ADAM20: variants seen among roughly 807,000 people sequenced by gnomAD.
ADAM20 encodes the protein disintegrin and metalloproteinase domain-containing protein 20.
For synonymous variants in ADAM20, 305 were observed against 310.2 expected (o/e 0.98, Z 0.18); for missense variants, 871 against 883.2 (o/e 0.99, Z 0.18).
chr14:70,563,881 T>C, the ADAM20 span, among the ~76,000 whole-genome samples: 2 of 152,244 alleles, frequency 1.3e-5, no homozygotes, highest in African/African-American at 4.8e-5. Flanking sequence ...TCTTTATCAA[T>C]TACCTAATTT....
chr14:70,547,099 G>A, the ADAM20 span, among the ~76,000 whole-genome samples: 4 of 152,168 alleles, frequency 2.6e-5, no homozygotes, highest in African/African-American at 9.7e-5. Context: ...AAATCTAGAA[G>A]AAATGTTTAA....
chr14:70,535,513 G>A (rs982130104), upstream of ADAM20, among the ~76,000 whole-genome samples: 1 of 152,126 alleles, frequency 6.6e-6, no homozygotes, highest in Admixed American at 6.5e-5. Flanking sequence ...TCCTTTACTA[G>A]TGAAAGAGCC....
intron 1 of ADAM20, among the ~76,000 whole-genome samples, chr14:70,528,878 G>C (rs1233370880): frequency 6.6e-6 from 1 of 152,132 alleles, no homozygotes; most frequent in African/African-American, 2.4e-5. Context: ...ACTACATCTT[G>C]TTTGTAGTAA....
chr14:70,541,195 C>G, the ADAM20 span, among the ~76,000 whole-genome samples: 2 of 152,146 alleles, frequency 1.3e-5, no homozygotes, highest in African/African-American at 4.8e-5. Flanking sequence ...GAGAGATTGT[C>G]TGAAGGTCAC....
chr14:70,573,849 C>A, the ADAM20 span, among the ~76,000 whole-genome samples: 9,354 of 152,122 alleles, frequency 0.061, 387 homozygotes, highest in Non-Finnish European at 0.095. Context: ...TTGCATATAC[C>A]CAACATCAGG....
the ADAM20 span, chr14:70,556,631 T>TG: frequency 2.0e-5 from 3 of 152,252 alleles, no homozygotes; most frequent in Non-Finnish European, 4.4e-5. Context: ...AGTTGACGCT[T>TG]GAATAACGTG....
rs571661128 is a variant in ADAM20 at position 70,532,203 on chromosome 14, T to C, written c.-177+2594A>G. ...ACATGTATGAATAAATGACCTCTGA[T>C]AAAGGTGCCAAAACTACACAATGGG... On this transcript the variant is annotated intron_variant, in intron 1 of 1. Transcript: ENST00000256389. Among the ~76,000 whole-genome samples the C allele has an allele frequency of 1.8e-4, 27 of 152,044 alleles. No individual in the cohort carries two copies. In the East Asian group the frequency reaches 4.8e-3, roughly 27 times the overall value.
chr14:70,539,526 G>C (rs1431099672), upstream of ADAM20, among the ~76,000 whole-genome samples: 2 of 152,186 alleles, frequency 1.3e-5, no homozygotes, highest in East Asian at 3.8e-4. Context: ...TAGGGTTAAG[G>C]CATACTCCCT....
At chr14:70,570,440 A>T in the ADAM20 span, among the ~76,000 whole-genome samples, 2 of 152,160 alleles carry the variant, frequency 1.3e-5, no homozygotes, top group Non-Finnish European at 2.9e-5. Context: ...TAAAGGTGAC[A>T]TTACAACTGA....
In ADAM20 at chr14:70,524,624, G is replaced by T. The variant is rs531288041; in HGVS notation, c.134C>A (p.Pro45His). 5.0e-5 allele frequency: 80 copies of T among 1,613,990 alleles called. No individual in the cohort carries two copies. In the East Asian group the frequency reaches 1.3e-3, roughly 27 times the overall value. Residue 45 changes from proline to histidine, a missense_variant, in exon 2 of 2, where the codon CCT becomes CAT. Transcript: ENST00000256389. ...TCTGCCCCTGCTGATCACCTTCAAA[G>T]GGATCACCACTTCTGGAGAAGTGAA... ...QYFTSPEVVI[P>H]LKVISRGRGA...
the ADAM20 span, among the ~76,000 whole-genome samples, chr14:70,564,539 A>T: frequency 6.6e-6 from 1 of 152,154 alleles, no homozygotes; most frequent in Non-Finnish European, 1.5e-5. Flanking sequence ...AAGGCAAGAA[A>T]ATAGATCTCT....
At chr14:70,577,586 C>T in the ADAM20 span, among the ~76,000 whole-genome samples, 1 of 152,086 alleles carries the variant, frequency 6.6e-6, no homozygotes, top group Non-Finnish European at 1.5e-5. Flanking sequence ...AGAACTATAA[C>T]CCCTAAAATT....
chr14:70,577,850 CTTACT>C, the ADAM20 span, among the ~76,000 whole-genome samples: 14 of 152,134 alleles, frequency 9.2e-5, no homozygotes, highest in African/African-American at 3.4e-4. Flanking sequence ...AAGCTGGACT[CTTACT>C]TTACAGTATA....
the ADAM20 span, among the ~76,000 whole-genome samples, chr14:70,559,407 TC>T: frequency 5.3e-5 from 8 of 152,156 alleles, no homozygotes; most frequent in Admixed American, 5.2e-4. Flanking sequence ...CCCATCATTA[TC>T]ACCCTGGTCA....
the ADAM20 span, among the ~76,000 whole-genome samples, chr14:70,558,685 AAAAT>A: frequency 6.6e-6 from 1 of 152,242 alleles, no homozygotes; most frequent in Admixed American, 6.5e-5. Flanking sequence ...AAATGAAGTA[AAAAT>A]AAATAAAATA....
the ADAM20 span, chr14:70,557,585 A>C: frequency 1.6e-4 from 25 of 152,398 alleles, no homozygotes; most frequent in African/African-American, 6.0e-4. Flanking sequence ...AGTATTACAA[A>C]GTATTCACTT....
At chr14:70,560,143 A>G in the ADAM20 span, among the ~76,000 whole-genome samples, 3 of 152,228 alleles carry the variant, frequency 2.0e-5, no homozygotes, top group Non-Finnish European at 2.9e-5. Context: ...AATCTGGAGT[A>G]TTAAAAGACA....
chr14:70,569,483 T>C, the ADAM20 span, among the ~76,000 whole-genome samples: 5,216 of 152,142 alleles, frequency 0.034, 145 homozygotes, highest in South Asian at 0.056. Context: ...GAGTGGCAAA[T>C]TGGATTTAAA....
upstream of ADAM20, among the ~76,000 whole-genome samples, chr14:70,535,458 T>C (rs1262027400): frequency 1.3e-5 from 2 of 152,226 alleles, no homozygotes; most frequent in African/African-American, 4.8e-5. Context: ...CCTGGTGAAT[T>C]TGGATGATTT....
Sources: allele counts gnomAD v4.1 joint callset (sites outside exome capture counted in the v4.1 genomes callset), GRCh38; gene constraint gnomAD v4.1.1; transcripts MANE v1.5; gene names NCBI Gene and HGNC (gene_info 2026-07-23, HGNC 2026-07-21).